ZNF536: variants seen among roughly 807,000 people sequenced by gnomAD.
The protein encoded by ZNF536 is zinc finger protein 536.
ZNF536 carries 13 observed loss-of-function variants against 84.5 expected under a neutral mutation model. The ratio of observed to expected loss-of-function variants is 0.15; its 90% CI spans 0.10 to 0.24. The LOEUF (loss-of-function observed/expected upper bound fraction) is 0.24, where lower values mean the gene tolerates loss of function less well. ZNF536 is among the 10% of genes least tolerant of loss of function. The pLI, the probability that ZNF536 is intolerant of heterozygous loss-of-function variation, is 1.00. For missense variants in ZNF536, 1,536 were observed against 1,747.5 expected, an observed-to-expected ratio of 0.88 and a Z score of 2.16; for synonymous variants, 811 against 742.5, an observed-to-expected ratio of 1.09 and a Z score of -1.50.
intron 2 of ZNF536, among the ~76,000 whole-genome samples, chr19:30,514,973 C>A (rs1055333903): frequency 1.3e-5 from 2 of 152,072 alleles, no homozygotes; most frequent in Admixed American, 6.5e-5. Flanking sequence ...TGTGGCCCAG[C>A]GTGGTGGCTC....
intron 2 of ZNF536, among the ~76,000 whole-genome samples, chr19:30,498,298 T>A (rs1377289885): frequency 6.6e-6 from 1 of 152,132 alleles, no homozygotes; most frequent in Non-Finnish European, 1.5e-5. Context: ...GGGACATGGA[T>A]GGAGCTGGAA....
chr19:30,712,807 T>C (rs1223943915), exon 2 of ZNF536: 1 of 152,190 alleles, frequency 6.6e-6, no homozygotes, highest in Non-Finnish European at 1.5e-5. Context: ...TGAAATGTTA[T>C]TGAAAACTTT....
intron 4 of ZNF536, among the ~76,000 whole-genome samples, chr19:30,551,950 C>T (rs1005781572): frequency 5.9e-5 from 9 of 152,114 alleles, no homozygotes; most frequent in African/African-American, 2.2e-4. Flanking sequence ...TTCTTGCGGG[C>T]TACTGTGATA....
At chr19:30,436,482 A>C (rs2051754329) in intron 1 of ZNF536, 1 of 985,170 alleles carries the variant, frequency 1.0e-6, no homozygotes, top group Admixed American at 6.2e-5. Context: ...CAAAAAAAAA[A>C]AATGCACTTG....
At chr19:30,462,676 G>C (rs996274431) in intron 2 of ZNF536, among the ~76,000 whole-genome samples, 2 of 152,088 alleles carry the variant, frequency 1.3e-5, no homozygotes, top group African/African-American at 4.8e-5. Context: ...ATGGGATGGG[G>C]TGTGTGTTGT....
chr19:30,240,257 C>T (rs1457366968), intron 1 of ZNF536, among the ~76,000 whole-genome samples: 2 of 152,206 alleles, frequency 1.3e-5, no homozygotes, highest in East Asian at 3.9e-4. Flanking sequence ...CCTGTAATCC[C>T]AGCTACTTGG....
intron 1 of ZNF536, among the ~76,000 whole-genome samples, chr19:30,620,088 A>G (rs1231545168): frequency 1.3e-5 from 2 of 151,276 alleles, no homozygotes; most frequent in African/African-American, 4.9e-5. Context: ...TACCATAATA[A>G]CAAGAACACG....
intron 1 of ZNF536, among the ~76,000 whole-genome samples, chr19:30,620,303 T>C (rs2048437882): frequency 6.6e-6 from 1 of 152,084 alleles, no homozygotes; most frequent in African/African-American, 2.4e-5. Context: ...TGGGTCTTCA[T>C]GTGAAACATC....
At chr19:30,576,733 T>C (rs1428319555) in intron 1 of ZNF536, among the ~76,000 whole-genome samples, 1 of 152,216 alleles carries the variant, frequency 6.6e-6, no homozygotes, top group African/African-American at 2.4e-5. Context: ...TGGAGTTTTC[T>C]TCCTGCAAAT....
At chr19:30,371,210 T>A (rs2048601079), upstream of ZNF536, among the ~76,000 whole-genome samples, 1 of 152,250 alleles carries the variant, frequency 6.6e-6, no homozygotes, top group Non-Finnish European at 1.5e-5. Context: ...GCCACCTCTT[T>A]GTTTTTTAAA....
chr19:30,708,008 CAAAA>C (rs60270540), intron 1 of ZNF536, among the ~76,000 whole-genome samples: 3 of 102,950 alleles, frequency 2.9e-5, no homozygotes, highest in African/African-American at 3.9e-5. Context: ...GAGACTCCAT[CAAAA>C]AAAAAAAAAA....
At chr19:30,278,789 C>A (rs60838477) in intron 1 of ZNF536, among the ~76,000 whole-genome samples, 20,232 of 152,200 alleles carry the variant, frequency 0.13, 1,434 homozygotes, top group Middle Eastern at 0.2. Context: ...TACTTACACA[C>A]CTGCAGCAGC....
At chr19:30,412,191 G>T (rs929949995) in intron 1 of ZNF536, among the ~76,000 whole-genome samples, 2 of 151,804 alleles carry the variant, frequency 1.3e-5, no homozygotes, top group African/African-American at 4.8e-5. Flanking sequence ...TGACAGTTTT[G>T]CCTAGTCCTT....
intron 2 of ZNF536, among the ~76,000 whole-genome samples, chr19:30,294,549 ATGTGTG>A (rs55972417): frequency 0.017 from 2,441 of 145,578 alleles, 66 homozygotes; most frequent in African/African-American, 0.056. Flanking sequence ...AGGCCCCAAT[ATGTGTG>A]TGTGTGTGTG....
At chr19:30,384,098 C>CTCTCTCTT (rs1555738333) in intron 1 of ZNF536, among the ~76,000 whole-genome samples, 1 of 86,566 alleles carries the variant, frequency 1.2e-5, no homozygotes, top group Admixed American at 1.3e-4. Context: ...CCACCTCTTT[C>CTCTCTCTT]TCTTTCTTTC....
chr19:30,515,402 G>GT (rs1005378823), intron 2 of ZNF536, among the ~76,000 whole-genome samples: 16 of 152,190 alleles, frequency 1.1e-4, no homozygotes, highest in African/African-American at 3.9e-4. Context: ...TATGATAAGA[G>GT]TTCAGATTTT....
chr19:30,514,696 G>T (rs2055562516), intron 2 of ZNF536, among the ~76,000 whole-genome samples: 1 of 151,954 alleles, frequency 6.6e-6, no homozygotes. Flanking sequence ...CCTCCAGGCT[G>T]TGCTTCCATG....
intron 2 of ZNF536, among the ~76,000 whole-genome samples, chr19:30,332,000 T>C (rs2047227108): frequency 6.6e-6 from 1 of 152,080 alleles, no homozygotes; most frequent in Admixed American, 6.5e-5. Context: ...AACTCAGATA[T>C]CTCCCTTTTC....
chr19:30,610,006 T>TCATC (rs1036721408), intron 1 of ZNF536, among the ~76,000 whole-genome samples: 9 of 148,566 alleles, frequency 6.1e-5, no homozygotes, highest in Non-Finnish European at 1.0e-4. Flanking sequence ...ATCTATCCAT[T>TCATC]CATCCATCCA....
Sources: gnomAD v4.1 joint callset for allele counts (sites outside exome capture counted in the v4.1 genomes callset) on GRCh38, gnomAD v4.1.1 for gene constraint, MANE v1.5 for transcripts, NCBI Gene and HGNC (gene_info 2026-07-23, HGNC 2026-07-21) for gene names.